Variants in THSD7B observed in about 807,000 individuals in gnomAD.
THSD7B encodes the protein thrombospondin type-1 domain-containing protein 7B.
Under a neutral mutation model 213.6 loss-of-function variants are expected in THSD7B, and 138 were observed. The ratio of observed to expected loss-of-function variants is 0.65; its 90% CI spans 0.56 to 0.74. THSD7B has a LOEUF of 0.74. THSD7B is among the 30% of genes least tolerant of loss of function. The pLI is 0.00. For synonymous variants in THSD7B, 742 were observed against 687.0 expected (o/e 1.08, Z -1.25); for missense variants, 1,931 against 1,991.5 (o/e 0.97, Z 0.58).
chr2:137,331,127 T>C (rs1042901604), intron 12 of THSD7B, among the ~76,000 whole-genome samples: 2 of 139,092 alleles, frequency 1.4e-5, no homozygotes, highest in Admixed American at 1.4e-4. Context: ...CTGGTGTATT[T>C]ACAATCCCTG....
rs980507340 is a variant in THSD7B, at chr2:137,310,871, T to C, written c.2500+34845T>C. Among the ~76,000 whole-genome samples, 10 of 152,262 alleles carry C rather than the reference T, an allele frequency of 6.6e-5. 1 individual carries two copies. The highest frequency in any genetic ancestry group is 2.4e-4 in the African/African-American group (10 of 41,566). On this transcript the variant is annotated intron_variant, in intron 12 of 27. Transcript: ENST00000409968. ...TCCCTTCCATTGATCTATATCTCTG[T>C]TTTGGTACCAGTACCATGCTGTTTT...
intron 2 of THSD7B, among the ~76,000 whole-genome samples, chr2:137,049,401 G>A (rs1475613681): frequency 5.9e-5 from 9 of 152,160 alleles, no homozygotes; most frequent in Non-Finnish European, 1.2e-4. Flanking sequence ...AACTGGAGAG[G>A]GCACCTGAGC....
At chr2:137,515,554 A>G (rs1680051985) in intron 15 of THSD7B, among the ~76,000 whole-genome samples, 1 of 152,198 alleles carries the variant, frequency 6.6e-6, no homozygotes, top group South Asian at 2.1e-4. Context: ...TCTAATTAAT[A>G]TAAGCAGAAA....
intron 14 of THSD7B, among the ~76,000 whole-genome samples, chr2:137,423,169 A>G (rs1686965117): frequency 6.6e-6 from 1 of 152,120 alleles, no homozygotes; most frequent in Non-Finnish European, 1.5e-5. Flanking sequence ...ATGAAAGGCT[A>G]CAAAGTAACT....
chr2:137,646,374 G>A (rs1683030564), intron 21 of THSD7B, among the ~76,000 whole-genome samples: 2 of 151,652 alleles, frequency 1.3e-5, no homozygotes, highest in African/African-American at 4.8e-5. Flanking sequence ...GGGCGTGGTG[G>A]CTCACACCTG....
In THSD7B at chr2:137,022,540, A is replaced by G. The variant is rs555310791; in HGVS notation, c.140-33880A>G. ...GGTTTTGAAGATGTACCACAAAAAA[A>G]TCTTCGTTTTTTTTTTATATGAATA... On this transcript the variant is annotated intron_variant, in intron 2 of 27. Coordinates refer to ENST00000409968, the MANE Select transcript of THSD7B (RefSeq NM_001316349.2). Among the ~76,000 whole-genome samples the G allele has an allele frequency of 1.0e-3, 158 of 151,520 alleles. 1 individual carries two copies. Among genetic ancestry groups the G allele is most frequent in the African/African-American group, 3.4e-3 (140 of 41,198 alleles).
At chr2:137,427,419 T>C (rs931651561) in intron 14 of THSD7B, among the ~76,000 whole-genome samples, 1 of 152,008 alleles carries the variant, frequency 6.6e-6, no homozygotes, top group Non-Finnish European at 1.5e-5. Flanking sequence ...TGTTGACAGA[T>C]GAATGGATAC....
At chr2:136,970,622 A>T (rs989240529) in intron 2 of THSD7B, among the ~76,000 whole-genome samples, 1 of 152,194 alleles carries the variant, frequency 6.6e-6, no homozygotes, top group African/African-American at 2.4e-5. Flanking sequence ...GAGAAACTAA[A>T]GGAGAAAAAT....
At chr2:137,005,299 G>A (rs1436367066) in intron 2 of THSD7B, among the ~76,000 whole-genome samples, 1 of 152,218 alleles carries the variant, frequency 6.6e-6, no homozygotes, top group African/African-American at 2.4e-5. Context: ...ATCTGCCAAA[G>A]CATGTCAGTT....
intron 3 of THSD7B, among the ~76,000 whole-genome samples, chr2:137,082,373 C>T (rs1687762486): frequency 6.6e-6 from 1 of 151,982 alleles, no homozygotes; most frequent in Non-Finnish European, 1.5e-5. Flanking sequence ...TTGGTTTGCT[C>T]TGCTTGTTGA....
intron 1 of THSD7B, among the ~76,000 whole-genome samples, chr2:136,813,667 G>A (rs1016092260): frequency 2.0e-5 from 3 of 151,852 alleles, no homozygotes; most frequent in Admixed American, 6.6e-5. Flanking sequence ...TGAACTCTAC[G>A]AGTCAATACA....
intron 12 of THSD7B, among the ~76,000 whole-genome samples, chr2:137,380,270 A>AT (rs397959423): frequency 2.6e-5 from 4 of 151,284 alleles, no homozygotes; most frequent in Admixed American, 1.3e-4. Flanking sequence ...AAAAAAAAAA[A>AT]TAGCCACGCA....
intron 1 of THSD7B, among the ~76,000 whole-genome samples, chr2:136,843,486 C>A (rs918654112): frequency 2.0e-5 from 3 of 152,100 alleles, no homozygotes; most frequent in Admixed American, 6.6e-5. Context: ...TTACATAAAA[C>A]TTTTTTACCA....
At chr2:137,372,323 CTTT>C (rs55635315) in intron 12 of THSD7B, among the ~76,000 whole-genome samples, 5 of 57,542 alleles carry the variant, frequency 8.7e-5, no homozygotes, top group East Asian at 7.9e-4. Context: ...TGATAATACT[CTTT>C]TTTTTTTTTT....
At chr2:137,323,518 T>G (rs1684307342) in intron 12 of THSD7B, among the ~76,000 whole-genome samples, 1 of 152,230 alleles carries the variant, frequency 6.6e-6, no homozygotes, top group African/African-American at 2.4e-5. Flanking sequence ...GTGTCTACTC[T>G]TCACTAACTA....
At chr2:136,820,881 GAGAC>G (rs1682554503) in intron 1 of THSD7B, among the ~76,000 whole-genome samples, 1 of 152,064 alleles carries the variant, frequency 6.6e-6, no homozygotes. Flanking sequence ...GAGAGGGAGA[GAGAC>G]AGAGACAGAG....
At chr2:137,259,593 G>T (rs530720081) in intron 10 of THSD7B, among the ~76,000 whole-genome samples, 1 of 152,208 alleles carries the variant, frequency 6.6e-6, no homozygotes, top group South Asian at 2.1e-4. Flanking sequence ...ACTTTTGCCA[G>T]TTGGGTAGAT....
intron 2 of THSD7B, among the ~76,000 whole-genome samples, chr2:136,933,391 A>G (rs915627767): frequency 2.6e-5 from 4 of 152,072 alleles, no homozygotes; most frequent in African/African-American, 9.7e-5. Flanking sequence ...TCTGGCCAAC[A>G]TGGTGAAACC....
intron 6 of THSD7B, among the ~76,000 whole-genome samples, chr2:137,162,996 G>A (rs1230018912): frequency 1.3e-5 from 2 of 152,016 alleles, no homozygotes; most frequent in African/African-American, 4.8e-5. Context: ...TCTGTGTTGT[G>A]TTTTTTTGTC....
Sources: gnomAD v4.1 joint callset for allele counts (sites outside exome capture counted in the v4.1 genomes callset) on GRCh38, gnomAD v4.1.1 for gene constraint, MANE v1.5 for transcripts, NCBI Gene and HGNC (gene_info 2026-07-23, HGNC 2026-07-21) for gene names.